The following ST8SIA6 variants were observed in gnomAD, a reference collection of about 807,000 sequenced individuals.
ST8SIA6 encodes alpha-2,8-sialyltransferase 8F.
ST8SIA6 carries 39 observed loss-of-function variants against 33.6 expected under a neutral mutation model. The ratio of observed to expected loss-of-function variants is 1.16; its 90% confidence interval spans 0.90 to 1.52. The LOEUF (loss-of-function observed/expected upper bound fraction) is 1.52. Among genes scored for constraint, ST8SIA6 ranks in the 40% most tolerant of loss-of-function variants. The pLI, the probability that ST8SIA6 is intolerant of heterozygous loss-of-function variation, is 0.00. For missense variants in ST8SIA6, 441 were observed against 443.8 expected, an observed-to-expected ratio of 0.99 and a Z score of 0.06; for synonymous variants, 172 against 167.2, an observed-to-expected ratio of 1.03 and a Z score of -0.22.
intron 3 of ST8SIA6, among the ~76,000 whole-genome samples, chr10:17,379,553 C>T (rs1425114367): frequency 1.3e-5 from 2 of 152,326 alleles, no homozygotes; most frequent in Non-Finnish European, 1.5e-5. Flanking sequence ...AGATGCATAT[C>T]TGATTGCCTC....
At chr10:17,333,688 T>TATATATATATATATAG in intron 4 of ST8SIA6, among the ~76,000 whole-genome samples, 1 of 21,322 alleles carries the variant, frequency 4.7e-5, no homozygotes, top group South Asian at 2.1e-3. Flanking sequence ...TATATATATA[T>TATATATATATATATAG]ATATATATAT....
intron 3 of ST8SIA6, among the ~76,000 whole-genome samples, chr10:17,380,949 G>A (rs2770199): frequency 0.32 from 48,085 of 151,188 alleles, 8,283 homozygotes; most frequent in East Asian, 0.64. Context: ...GTATGTGTAC[G>A]TGTTTGTATT....
At chr10:17,443,606 T>G (rs550173703) in intron 2 of ST8SIA6, among the ~76,000 whole-genome samples, 1 of 152,364 alleles carries the variant, frequency 6.6e-6, no homozygotes. Flanking sequence ...TTCCCCAGAA[T>G]TAATGACTGA....
At chr10:17,402,633 A>G (rs113879619) in intron 2 of ST8SIA6, among the ~76,000 whole-genome samples, 4,935 of 152,296 alleles carry the variant, frequency 0.032, 82 homozygotes, top group South Asian at 0.055. Context: ...AGGGACATGG[A>G]TGAAGCTGGA....
intron 3 of ST8SIA6, among the ~76,000 whole-genome samples, chr10:17,390,323 T>G (rs114319872): frequency 2.0e-3 from 306 of 152,126 alleles, no homozygotes; most frequent in African/African-American, 7.1e-3. Context: ...CAGGGACAAA[T>G]AAGTTGAGTC....
At chr10:17,347,253 T>C (rs915121884) in intron 4 of ST8SIA6, among the ~76,000 whole-genome samples, 2 of 151,834 alleles carry the variant, frequency 1.3e-5, no homozygotes, top group African/African-American at 4.8e-5. Flanking sequence ...CAGAGATGGG[T>C]GGTGAGATTG....
At chr10:17,357,107 A>T (rs1243597965) in intron 4 of ST8SIA6, among the ~76,000 whole-genome samples, 2 of 151,088 alleles carry the variant, frequency 1.3e-5, no homozygotes, top group African/African-American at 4.9e-5. Context: ...TCAGGATGGA[A>T]ATGTTTCAAA....
Position 17,320,479 on chromosome 10 carries a change from C to A in ST8SIA6, c.*399G>T. On this transcript the variant is annotated 3_prime_UTR_variant, in exon 8 of 8. Transcript: ENST00000377602. ...ATAGAGACCTGCCACAGAAAGAAATCCAATGGATACTGGTAATGCAGCTAT... is the reference window on the plus strand; with the variant it reads ...ATAGAGACCTGCCACAGAAAGAAATACAATGGATACTGGTAATGCAGCTAT... 1 of 170,780 alleles carries A rather than the reference C, an allele frequency of 5.9e-6. No homozygotes were observed. Among genetic ancestry groups the A allele is most frequent in the Admixed American group, 5.7e-5 (1 of 17,598 alleles). The allele number at this position is 170,780 out of a possible 1,614,324, so 10.6% of individuals were successfully genotyped here. A position where few individuals can be genotyped will look rare whatever the true frequency, so the allele number is the denominator to read the frequency against.
chr10:17,422,724 G>T (rs1851816930), intron 2 of ST8SIA6, among the ~76,000 whole-genome samples: 1 of 152,138 alleles, frequency 6.6e-6, no homozygotes. Context: ...CTTTAATGAC[G>T]ATGCTGTGTC....
chr10:17,408,401 A>G (rs984000908), intron 2 of ST8SIA6: 1 of 152,186 alleles, frequency 6.6e-6, no homozygotes, highest in Non-Finnish European at 1.5e-5. Context: ...ACGGTGGCTC[A>G]CACCTGTAAT....
At chr10:17,366,344 CA>C (rs1447006859) in intron 3 of ST8SIA6, among the ~76,000 whole-genome samples, 1 of 152,066 alleles carries the variant, frequency 6.6e-6, no homozygotes, top group African/African-American at 2.4e-5. Flanking sequence ...AACACAGCTT[CA>C]GAGATTAACT....
intron 2 of ST8SIA6, among the ~76,000 whole-genome samples, chr10:17,451,611 T>C (rs1418598114): frequency 6.6e-6 from 1 of 152,210 alleles, no homozygotes; most frequent in Non-Finnish European, 1.5e-5. Context: ...CTTAGATCAG[T>C]GTCTGGCCCA....
chr10:17,427,813 C>T (rs762626297), intron 2 of ST8SIA6, among the ~76,000 whole-genome samples: 11 of 152,230 alleles, frequency 7.2e-5, no homozygotes, highest in Non-Finnish European at 1.0e-4. Flanking sequence ...GTTGATAAGG[C>T]GATGCCTTGC....
intron 2 of ST8SIA6, among the ~76,000 whole-genome samples, chr10:17,441,859 C>T (rs568881916): frequency 4.5e-4 from 68 of 151,572 alleles, no homozygotes; most frequent in Admixed American, 1.6e-3. Context: ...ATAGTAAAGA[C>T]GATATAAAAC....
chr10:17,379,167 C>T (rs997250038), intron 3 of ST8SIA6, among the ~76,000 whole-genome samples: 1 of 151,702 alleles, frequency 6.6e-6, no homozygotes, highest in Non-Finnish European at 1.5e-5. Flanking sequence ...GGGACTTTTC[C>T]CAAAGATCTA....
At chr10:17,355,601 C>G (rs968703087) in intron 4 of ST8SIA6, among the ~76,000 whole-genome samples, 2 of 152,212 alleles carry the variant, frequency 1.3e-5, no homozygotes, top group East Asian at 1.9e-4. Flanking sequence ...CAGCCCCTAC[C>G]TGCTCTGATT....
chr10:17,374,304 G>A (rs10904946), intron 3 of ST8SIA6, among the ~76,000 whole-genome samples: 56,391 of 151,924 alleles, frequency 0.37, 10,703 homozygotes, highest in East Asian at 0.59. Context: ...TTAGACTGTA[G>A]TTGTTTTTCA....
At chr10:17,429,608 G>A (rs548037309) in intron 2 of ST8SIA6, among the ~76,000 whole-genome samples, 1 of 151,976 alleles carries the variant, frequency 6.6e-6, no homozygotes, top group African/African-American at 2.4e-5. Context: ...TCACCCTCCT[G>A]AGAATACCTG....
At chr10:17,444,635 T>A (rs1179246677) in intron 2 of ST8SIA6, among the ~76,000 whole-genome samples, 2 of 152,174 alleles carry the variant, frequency 1.3e-5, no homozygotes, top group Non-Finnish European at 2.9e-5. Flanking sequence ...GCCCTCTACC[T>A]GGGCCAGCTG....
Sources: allele counts gnomAD v4.1 joint callset (sites outside exome capture counted in the v4.1 genomes callset), GRCh38; gene constraint gnomAD v4.1.1; transcripts MANE v1.5; gene names NCBI Gene and HGNC (gene_info 2026-07-23, HGNC 2026-07-21).